The following TNR variants were observed in gnomAD, a reference collection of about 807,000 sequenced individuals.
The protein encoded by TNR is tenascin R.
In TNR, 45 loss-of-function variants were observed where a neutral mutation model predicts 150.4. The ratio of observed to expected loss-of-function variants is 0.30; its 90% CI spans 0.24 to 0.38. TNR has a LOEUF of 0.38. Among genes scored for constraint, TNR ranks in the 10% least tolerant of loss-of-function variants. The pLI is 1.00. For synonymous variants in TNR, 687 were observed against 678.4 expected (o/e 1.01, Z -0.20); for missense variants, 1,544 against 1,759.1 (o/e 0.88, Z 2.19).
At chr1:175,365,384 G>A (rs1651786814) in intron 11 of TNR, 105 bp from the exon 12 acceptor site, 3 of 1,315,068 alleles carry the variant, frequency 2.3e-6, no homozygotes, top group South Asian at 3.1e-5. Context: ...GCTAATAAGG[G>A]CCACACCTTC....
At chr1:175,603,425 A>T (rs561592260) in intron 1 of TNR, among the ~76,000 whole-genome samples, 2 of 152,254 alleles carry the variant, frequency 1.3e-5, no homozygotes, top group African/African-American at 4.8e-5. Flanking sequence ...TAATAGAGAA[A>T]TTTTTTCAAG....
At chr1:175,487,320 G>C (rs1658058684) in intron 2 of TNR, among the ~76,000 whole-genome samples, 1 of 152,100 alleles carries the variant, frequency 6.6e-6, no homozygotes. Flanking sequence ...AATGCTTACT[G>C]GCCCACCACT....
chr1:175,664,741 C>T (rs1300424398), intron 1 of TNR, among the ~76,000 whole-genome samples: 1 of 152,200 alleles, frequency 6.6e-6, no homozygotes, highest in African/African-American at 2.4e-5. Context: ...AATAAGCCTA[C>T]TTTTCTGTTT....
chr1:175,331,118 C>CTTTCTTTCTTTCTCTCTTTCT (rs1649859729), intron 20 of TNR, among the ~76,000 whole-genome samples: 1 of 107,266 alleles, frequency 9.3e-6, no homozygotes, highest in African/African-American at 4.3e-5. Flanking sequence ...TCTTTCTTTT[C>CTTTCTTTCTTTCTCTCTTTCT]TTTCTTTCTT....
rs368204834 is a variant in TNR at position 175,363,844 on chromosome 1, A to T, written c.2588-17T>A. 3 of 1,598,840 alleles carry T rather than the reference A, an allele frequency of 1.9e-6. No individual in the cohort carries two copies. The highest frequency in any genetic ancestry group is 2.6e-6 in the Non-Finnish European group (3 of 1,171,544). On this transcript the variant is annotated splice_polypyrimidine_tract_variant and intron_variant, in intron 12 of 22. Transcript: ENST00000367674. ...GATCAATTCCTACAAGGACCCAGTG[A>T]TTGTGGGAAAAAGACAGAAAGCACA...
intron 2 of TNR, among the ~76,000 whole-genome samples, chr1:175,448,683 A>G (rs1402598393): frequency 6.6e-6 from 1 of 152,080 alleles, no homozygotes; most frequent in Non-Finnish European, 1.5e-5. Context: ...AAGCCAACCA[A>G]CCACACACCC....
At chr1:175,699,159 G>A (rs1666614277) in intron 1 of TNR, among the ~76,000 whole-genome samples, 1 of 152,148 alleles carries the variant, frequency 6.6e-6, no homozygotes, top group Admixed American at 6.5e-5. Flanking sequence ...GATGCAGGAT[G>A]TGAGAAAAAG....
chr1:175,614,043 G>A (rs1442304789), intron 1 of TNR, among the ~76,000 whole-genome samples: 1 of 151,992 alleles, frequency 6.6e-6, no homozygotes, highest in Non-Finnish European at 1.5e-5. Flanking sequence ...ATAAATTAAG[G>A]GCAATAGTAT....
In TNR at chr1:175,625,731, C is replaced by T. The variant is rs533222507; in HGVS notation, c.-164-97362G>A. On this transcript the variant is annotated intron_variant, in intron 1 of 22. Transcript: ENST00000367674. Reference sequence around the variant, plus strand: ...ATTGCAACAGCAGCATCAGAGCAGACGGGACTGAGACTGGTCCACTTTCTG... The same window carrying T: ...ATTGCAACAGCAGCATCAGAGCAGATGGGACTGAGACTGGTCCACTTTCTG... Among the ~76,000 whole-genome samples the T allele has an allele frequency of 1.5e-4, 23 of 152,322 alleles. No homozygotes were observed. The East Asian group carries it at 2.1e-3, about 14-fold the overall frequency.
intron 2 of TNR, among the ~76,000 whole-genome samples, chr1:175,423,994 A>G (rs966490920): frequency 1.3e-5 from 2 of 152,198 alleles, no homozygotes; most frequent in Non-Finnish European, 2.9e-5. Flanking sequence ...CAGTAAGTCT[A>G]TATTGAAAAA....
At chr1:175,675,534 G>A (rs757187364) in intron 1 of TNR, among the ~76,000 whole-genome samples, 1 of 152,238 alleles carries the variant, frequency 6.6e-6, no homozygotes, top group Non-Finnish European at 1.5e-5. Flanking sequence ...AGGTATCATG[G>A]TGGTTCCACA....
chr1:175,512,556 G>A (rs1192797644), intron 2 of TNR, among the ~76,000 whole-genome samples: 2 of 152,164 alleles, frequency 1.3e-5, no homozygotes, highest in Non-Finnish European at 2.9e-5. Context: ...CCCTGAACCT[G>A]GTGAAAACAG....
rs3030868 is a variant in TNR, at chr1:175,320,697, C to CGTGTGTGTGTGTGTGTGTGTGT, written c.*2638_*2659dup. ...GGCATGATCTTTTCTGCAGTATTTT[C>CGTGTGTGTGTGTGTGTGTGTGT]GTGTGTGTGTGTGTGTGTGTGTGTG... On this transcript the variant is annotated 3_prime_UTR_variant, in exon 23 of 23. Coordinates refer to ENST00000367674, the MANE Select transcript of TNR (RefSeq NM_003285.3). The CGTGTGTGTGTGTGTGTGTGTGT allele has an allele frequency of 2.9e-4, 42 of 146,426 alleles. 1 individual carries two copies. The highest frequency in any genetic ancestry group is 8.9e-4 in the African/African-American group (35 of 39,218). 9.1% of individuals were successfully genotyped at this position (146,426 alleles called of 1,614,324 possible).
chr1:175,357,495 A>T (rs1651387018), intron 15 of TNR, among the ~76,000 whole-genome samples: 1 of 152,186 alleles, frequency 6.6e-6, no homozygotes, highest in Non-Finnish European at 1.5e-5. Context: ...ATGTATAAGG[A>T]TATCATCTTT....
chr1:175,336,777 T>C (rs1018443860), intron 19 of TNR, among the ~76,000 whole-genome samples: 11 of 152,160 alleles, frequency 7.2e-5, no homozygotes, highest in African/African-American at 2.4e-4. Flanking sequence ...TATCCATGTT[T>C]GGGGCCTCAT....
intron 1 of TNR, among the ~76,000 whole-genome samples, chr1:175,714,088 T>C (rs1460604523): frequency 1.3e-5 from 2 of 151,856 alleles, no homozygotes; most frequent in South Asian, 4.2e-4. Context: ...TCTGCTTGTA[T>C]GGTTTCTTCA....
chr1:175,686,896 G>C (rs1283266312), intron 1 of TNR, among the ~76,000 whole-genome samples: 1 of 152,194 alleles, frequency 6.6e-6, no homozygotes, highest in East Asian at 1.9e-4. Context: ...ACCATTGATG[G>C]ACACTTAAGT....
chr1:175,372,378 GAGA>G (rs1409800504), intron 9 of TNR, among the ~76,000 whole-genome samples: 2 of 152,084 alleles, frequency 1.3e-5, no homozygotes, highest in African/African-American at 4.8e-5. Context: ...GATCAGCAGG[GAGA>G]AGATCAGCAT....
intron 4 of TNR, among the ~76,000 whole-genome samples, chr1:175,399,056 C>A (rs1356901371): frequency 1.3e-5 from 2 of 152,230 alleles, no homozygotes; most frequent in East Asian, 3.8e-4. Flanking sequence ...GCGCGAGATG[C>A]CTCCTTTCAT....
Sources: gnomAD v4.1 joint callset for allele counts (sites outside exome capture counted in the v4.1 genomes callset) on GRCh38, gnomAD v4.1.1 for gene constraint, MANE v1.5 for transcripts, NCBI Gene and HGNC (gene_info 2026-07-23, HGNC 2026-07-21) for gene names.